The following FNIP1 variants were observed in gnomAD, a reference collection of about 807,000 sequenced individuals.
FNIP1 encodes folliculin interacting protein 1, also known as folliculin-interacting protein 1.
Under a neutral mutation model 124.5 loss-of-function variants are expected in FNIP1, and 40 were observed. That is an observed-to-expected ratio of 0.32 (90% CI 0.25 to 0.42). The LOEUF (loss-of-function observed/expected upper bound fraction) is 0.42. Among genes scored for constraint, FNIP1 ranks in the 10% least tolerant of loss-of-function variants. The pLI is 1.00. For missense variants in FNIP1, 1,176 were observed against 1,403.7 expected (o/e 0.84, Z 2.59); for synonymous variants, 472 against 470.6 (o/e 1.00, Z -0.04).
At chr5:131,768,064 T>C (rs1771499132) in intron 1 of FNIP1, among the ~76,000 whole-genome samples, 1 of 152,116 alleles carries the variant, frequency 6.6e-6, no homozygotes, top group African/African-American at 2.4e-5. Context: ...CATCATTTAA[T>C]CAAATTAGAT....
At position 131,704,216 on chromosome 5, in the gene FNIP1, G is replaced by T. The variant is rs1768999579; in HGVS notation, c.965C>A (p.Pro322Gln). The T allele has an allele frequency of 1.2e-6, 2 of 1,613,570 alleles. No homozygotes were observed. Among genetic ancestry groups the T allele is most frequent in the East Asian group, 4.5e-5 (2 of 44,792 alleles). The change falls in exon 10 of 18, where the codon CCA becomes CAA. Residue 322 changes from proline (P) to glutamine (Q), a missense_variant. Physicochemically the swap from Pro to Gln is moderately conservative, Grantham distance 76. Around this residue, in one of 2 missense-constraint regions of FNIP1, gnomAD observed 1,109 missense variants for 1,288.5 expected, o/e 0.86. Coordinates refer to ENST00000510461, the MANE Select transcript of FNIP1 (RefSeq NM_133372.3). Reference sequence around the variant, plus strand: ...AATCTTCTTTTTCCGCACAATTCCTGGGTTAGGGCCACAGCTTTCATCTGA... The same window carrying T: ...AATCTTCTTTTTCCGCACAATTCCTTGGTTAGGGCCACAGCTTTCATCTGA... ...NLSDESCGPN[P>Q]GIVRKKKIAI... is the part of the protein sequence containing the mutation.
intron 1 of FNIP1, among the ~76,000 whole-genome samples, chr5:131,759,740 A>G (rs1018226607): frequency 2.0e-5 from 3 of 152,232 alleles, no homozygotes; most frequent in African/African-American, 7.2e-5. Flanking sequence ...ATTACTGGGT[A>G]TATATCCAAA....
intron 2 of FNIP1, among the ~76,000 whole-genome samples, chr5:131,734,131 T>C (rs997930564): frequency 1.3e-5 from 2 of 152,246 alleles, no homozygotes; most frequent in Admixed American, 6.5e-5. Context: ...GTGTTTATAG[T>C]ATGCTCTGAT....
chr5:131,710,443 T>C, intron 7 of FNIP1, 135 bp downstream of exon 7: 1 of 613,544 alleles, frequency 1.6e-6, no homozygotes, highest in Non-Finnish European at 2.6e-6. Context: ...TAAGTTTTTA[T>C]ACTTCCTAAT....
intron 1 of FNIP1, among the ~76,000 whole-genome samples, chr5:131,768,264 T>A (rs1286956773): frequency 6.6e-6 from 1 of 152,224 alleles, no homozygotes; most frequent in African/African-American, 2.4e-5. Context: ...TCATGTATCA[T>A]AATATGCTAT....
intron 15 of FNIP1, among the ~76,000 whole-genome samples, chr5:131,666,966 T>C (rs879596858): frequency 6.6e-6 from 1 of 152,186 alleles, no homozygotes; most frequent in Non-Finnish European, 1.5e-5. Context: ...CAGAGTGCAT[T>C]AGAAGAACTC....
chr5:131,685,448 C>CTTTTTT (rs368323566), intron 11 of FNIP1, among the ~76,000 whole-genome samples: 2 of 126,066 alleles, frequency 1.6e-5, no homozygotes, highest in African/African-American at 3.0e-5. Context: ...CCTTAAGAAT[C>CTTTTTT]TTTTTTTTTT....
intron 3 of FNIP1, among the ~76,000 whole-genome samples, chr5:131,723,935 C>T (rs925089540): frequency 1.3e-5 from 2 of 151,794 alleles, no homozygotes; most frequent in Non-Finnish European, 2.9e-5. Flanking sequence ...TGTACAACTC[C>T]CACTTATGAG....
intron 6 of FNIP1, among the ~76,000 whole-genome samples, chr5:131,713,064 CT>C (rs1306198909): frequency 5.4e-5 from 8 of 149,140 alleles, no homozygotes; most frequent in South Asian, 2.1e-4. Context: ...TCTCCTACCC[CT>C]TTTTTTTTTG....
chr5:131,765,694 T>C (rs1165352617), intron 1 of FNIP1, among the ~76,000 whole-genome samples: 1 of 152,270 alleles, frequency 6.6e-6, no homozygotes, highest in Non-Finnish European at 1.5e-5. Context: ...ATCTTTACAG[T>C]ACATAACTCT....
At chr5:131,790,352 C>T (rs1772364872) in intron 1 of FNIP1, among the ~76,000 whole-genome samples, 1 of 152,006 alleles carries the variant, frequency 6.6e-6, no homozygotes, top group Admixed American at 6.6e-5. Flanking sequence ...ATGGCCCACA[C>T]CTTGCAGTCC....
At chr5:131,678,908 T>C in intron 12 of FNIP1, 121 bp downstream of exon 12, 2 of 684,132 alleles carry the variant, frequency 2.9e-6, no homozygotes, top group South Asian at 5.2e-5. Context: ...TTTTTAGAAT[T>C]CTGATTATTA....
At chr5:131,718,766 A>G (rs894780991) in intron 5 of FNIP1, among the ~76,000 whole-genome samples, 1 of 152,212 alleles carries the variant, frequency 6.6e-6, no homozygotes, top group Non-Finnish European at 1.5e-5. Context: ...TCAACATTCT[A>G]CTTCCAGATA....
intron 2 of FNIP1, among the ~76,000 whole-genome samples, chr5:131,737,060 G>C (rs746779428): frequency 2.6e-5 from 4 of 152,170 alleles, no homozygotes; most frequent in Admixed American, 2.6e-4. Context: ...TAATTCGAAG[G>C]TATTTGTTTT....
intron 3 of FNIP1, among the ~76,000 whole-genome samples, chr5:131,728,768 G>C (rs951949311): frequency 6.6e-6 from 1 of 152,110 alleles, no homozygotes. Context: ...AGGCATTCTG[G>C]TGTTTGGAAT....
chr5:131,785,346 G>A (rs189192684), intron 1 of FNIP1, among the ~76,000 whole-genome samples: 1 of 151,652 alleles, frequency 6.6e-6, no homozygotes, highest in African/African-American at 2.4e-5. Context: ...CTTGAGGTCA[G>A]GAGTTCAAGA....
At chr5:131,688,657 C>A (rs888500494) in intron 11 of FNIP1, among the ~76,000 whole-genome samples, 2 of 139,128 alleles carry the variant, frequency 1.4e-5, no homozygotes, top group Non-Finnish European at 1.5e-5. Flanking sequence ...AATGCAACAG[C>A]GAGATGGAAA....
intron 4 of FNIP1, 93 bp downstream of exon 4, chr5:131,719,224 T>G (rs764963594): frequency 2.3e-5 from 28 of 1,228,140 alleles, no homozygotes; most frequent in Non-Finnish European, 3.1e-5. Flanking sequence ...TATGACAAGC[T>G]CAATCTGAGT....
intron 1 of FNIP1, among the ~76,000 whole-genome samples, chr5:131,777,508 GTCCCA>G (rs993499583): frequency 2.0e-5 from 3 of 151,878 alleles, no homozygotes; most frequent in African/African-American, 7.3e-5. Flanking sequence ...ATCTAAAAGG[GTCCCA>G]ACCAGCCAAA....
Sources: allele counts gnomAD v4.1 joint callset (sites outside exome capture counted in the v4.1 genomes callset), GRCh38; gene constraint gnomAD v4.1.1; regional missense constraint gnomAD v4.1.1; transcripts MANE v1.5; gene names NCBI Gene and HGNC (gene_info 2026-07-23, HGNC 2026-07-21).